Variants in ANKS6 observed in about 807,000 individuals in gnomAD.
ANKS6 encodes ankyrin repeat and SAM domain-containing protein 6.
Under a neutral mutation model 77.9 loss-of-function variants are expected in ANKS6, and 47 were observed. The ratio of observed to expected loss-of-function variants is 0.60; its 90% CI spans 0.48 to 0.77. The LOEUF is 0.77. ANKS6 is among the 30% of genes least tolerant of loss of function. The probability of loss-of-function intolerance (pLI) is 0.00; values close to 1 mark genes in which losing one functional copy is unlikely to be tolerated. For synonymous variants in ANKS6, 488 were observed against 501.7 expected (o/e 0.97, Z 0.37); for missense variants, 1,150 against 1,159.1 (o/e 0.99, Z 0.11).
chr9:98,753,420 A>C (rs1229377711), intron 12 of ANKS6, among the ~76,000 whole-genome samples: 1 of 152,250 alleles, frequency 6.6e-6, no homozygotes, highest in African/African-American at 2.4e-5. Flanking sequence ...CTCACAAGAT[A>C]ACGGTTACAG....
chr9:98,741,357 G>A (rs375565946), intron 14 of ANKS6, among the ~76,000 whole-genome samples: 34 of 152,224 alleles, frequency 2.2e-4, no homozygotes, highest in African/African-American at 7.2e-4. Flanking sequence ...AAGAGGCTGA[G>A]GTGGGAAGAT....
At chr9:98,795,509 G>T (rs1048198348) in intron 1 of ANKS6, among the ~76,000 whole-genome samples, 2 of 151,954 alleles carry the variant, frequency 1.3e-5, no homozygotes, top group African/African-American at 4.8e-5. Context: ...TACATTCTAC[G>T]CATACCTCAT....
In ANKS6 at chr9:98,735,677, T is replaced by C. The variant is rs1831458173; in HGVS notation, c.*842A>G. ...TGTGGAGTACCAGAGCATCATCTGG[T>C]CTGACCTTCCACTTTGCAGATAAGG... On this transcript the variant is annotated 3_prime_UTR_variant, in exon 15 of 15. Transcript: ENST00000353234. 4.9e-6 allele frequency: 6 copies of C among 1,231,758 alleles called. No homozygotes were observed. The Admixed American group carries it at 1.3e-4, about 26-fold the overall frequency. The allele number at this position is 1,231,758 out of a possible 1,614,324, so 76.3% of individuals were successfully genotyped here.
At chr9:98,767,399 C>T (rs1235587746) in intron 11 of ANKS6, among the ~76,000 whole-genome samples, 1 of 152,206 alleles carries the variant, frequency 6.6e-6, no homozygotes, top group Non-Finnish European at 1.5e-5. Flanking sequence ...AGATCCCCAT[C>T]CAGATGGCCC....
intron 8 of ANKS6, among the ~76,000 whole-genome samples, chr9:98,776,186 T>C (rs927423703): frequency 6.6e-6 from 1 of 152,170 alleles, no homozygotes; most frequent in South Asian, 2.1e-4. Context: ...CCAGACACTA[T>C]GCTAAGAACT....
rs1233090767 is a variant in ANKS6, at chr9:98,736,309, C to T, written c.*210G>A. On this transcript the variant is annotated 3_prime_UTR_variant, in exon 15 of 15. Transcript: ENST00000353234. ...GCCAAGCAGAAGCACCCCCACTGGACTGTTACATGGGAATCTGTCTCTGTG... is the reference window on the plus strand; with the variant it reads ...GCCAAGCAGAAGCACCCCCACTGGATTGTTACATGGGAATCTGTCTCTGTG... The T allele has an allele frequency of 1.5e-5, 21 of 1,397,636 alleles. No individual in the cohort carries two copies. Among genetic ancestry groups the T allele is most frequent in the Non-Finnish European group, 1.9e-5 (20 of 1,080,356 alleles). The allele number at this position is 1,397,636 out of a possible 1,614,324, so 86.6% of individuals were successfully genotyped here.
chr9:98,795,330 C>T (rs946833538), intron 1 of ANKS6, among the ~76,000 whole-genome samples: 14 of 152,120 alleles, frequency 9.2e-5, no homozygotes, highest in African/African-American at 3.1e-4. Flanking sequence ...TTTTCCAAAA[C>T]GTAACTCTCA....
chr9:98,780,978 C>T (rs1243344346), intron 5 of ANKS6, among the ~76,000 whole-genome samples: 4 of 151,726 alleles, frequency 2.6e-5, no homozygotes, highest in East Asian at 1.9e-4. Flanking sequence ...CTTGGCTCAC[C>T]GCAACCTCCA....
rs1287867108 is a variant in ANKS6 at position 98,796,448 on chromosome 9, C to CGCA, written c.41_43dup (p.Leu14dup). On this transcript the variant is annotated inframe_insertion, in exon 1 of 15. Coordinates refer to ENST00000353234, the MANE Select transcript of ANKS6 (RefSeq NM_173551.5). ...CTCCGTGTCGCCCTGGTCACACGCG[C>CGCA]GCAGCAGCAGCTGGAAGGCCGGGGG... is the stretch of plus-strand genomic sequence containing the variant. 7 of 994,384 alleles carry CGCA rather than the reference C, an allele frequency of 7.0e-6. No individual in the cohort carries two copies. The highest frequency in any genetic ancestry group is 6.2e-5 in the Admixed American group (1 of 16,258). The allele number at this position is 994,384 out of a possible 1,614,324, so 61.6% of individuals were successfully genotyped here. A position where few individuals can be genotyped will look rare whatever the true frequency, so the allele number is the denominator to read the frequency against.
At chr9:98,752,038 A>G (rs1335459497) in intron 12 of ANKS6, among the ~76,000 whole-genome samples, 1 of 152,196 alleles carries the variant, frequency 6.6e-6, no homozygotes, top group Non-Finnish European at 1.5e-5. Context: ...GTGAGCTGCA[A>G]TTATGCCACT....
intron 12 of ANKS6, 90 bp from the exon 13 acceptor site, chr9:98,751,186 T>C (rs1277697243): frequency 6.8e-6 from 7 of 1,031,594 alleles, no homozygotes; most frequent in South Asian, 4.5e-5. Context: ...GTAATCTTAT[T>C]TCAAATGAAA....
At chr9:98,771,569 T>C (rs1253894658) in intron 9 of ANKS6, among the ~76,000 whole-genome samples, 5 of 152,188 alleles carry the variant, frequency 3.3e-5, no homozygotes, top group East Asian at 1.9e-4. Flanking sequence ...CTCTCCACCC[T>C]GACCTCACTC....
chr9:98,735,618 G>A lies in ANKS6; in HGVS notation c.*901C>T, dbSNP rs1831455083. 1 of 1,231,524 alleles carries A rather than the reference G, an allele frequency of 8.1e-7. No homozygotes were observed. The highest frequency in any genetic ancestry group is 1.0e-6 in the Non-Finnish European group (1 of 987,950). The allele number at this position is 1,231,524 out of a possible 1,614,324, so 76.3% of individuals were successfully genotyped here. A position where few individuals can be genotyped will look rare whatever the true frequency, so the allele number is the denominator to read the frequency against. On this transcript the variant is annotated 3_prime_UTR_variant, in exon 15 of 15. Transcript: ENST00000353234. Reference sequence around the variant, plus strand: ...CATTAGCCTTCTGCTTCCACTTTCAGTGCAGAAAGCCCTGCAGTGATACAG... The same window carrying A: ...CATTAGCCTTCTGCTTCCACTTTCAATGCAGAAAGCCCTGCAGTGATACAG...
intron 2 of ANKS6, among the ~76,000 whole-genome samples, chr9:98,787,164 CTAT>C (rs1467785275): frequency 6.6e-6 from 1 of 152,162 alleles, no homozygotes; most frequent in Non-Finnish European, 1.5e-5. Context: ...GCTGGGGCTC[CTAT>C]TATTTATTTC....
chr9:98,735,963 G>A lies in ANKS6; in HGVS notation c.*556C>T. On this transcript the variant is annotated 3_prime_UTR_variant, in exon 15 of 15. Coordinates refer to ENST00000353234, the MANE Select transcript of ANKS6 (RefSeq NM_173551.5). Reference sequence around the variant, plus strand: ...GGGCAAGTTAGAAGTTTTAAGGGAAGATGTGCCAGGAAGGCTAACCTCTCA... The same window carrying A: ...GGGCAAGTTAGAAGTTTTAAGGGAAAATGTGCCAGGAAGGCTAACCTCTCA... 1 of 1,227,974 alleles carries A rather than the reference G, an allele frequency of 8.1e-7. No homozygotes were observed. Among genetic ancestry groups the A allele is most frequent in the Non-Finnish European group, 1.0e-6 (1 of 986,296 alleles). 76.1% of individuals were successfully genotyped at this position (1,227,974 alleles called of 1,614,324 possible). A position where few individuals can be genotyped will look rare whatever the true frequency, so the allele number is the denominator to read the frequency against.
At chr9:98,789,858 GC>G in intron 2 of ANKS6, 1 of 477,778 alleles carries the variant, frequency 2.1e-6, no homozygotes, top group Non-Finnish European at 3.5e-6. Context: ...GGGGAGAGCA[GC>G]CTTGTTATAG....
intron 11 of ANKS6, among the ~76,000 whole-genome samples, chr9:98,765,514 T>C (rs1833228273): frequency 6.6e-6 from 1 of 152,318 alleles, no homozygotes; most frequent in Admixed American, 6.5e-5. Flanking sequence ...GTGGCTCAGT[T>C]GTCCTGGCCA....
At chr9:98,777,964 C>T (rs1217640374) in intron 7 of ANKS6, among the ~76,000 whole-genome samples, 1 of 152,142 alleles carries the variant, frequency 6.6e-6, no homozygotes, top group Admixed American at 6.5e-5. Context: ...AGAGAGAGGA[C>T]GACTCCCTGT....
intron 14 of ANKS6, among the ~76,000 whole-genome samples, chr9:98,744,212 A>T (rs1210281149): frequency 1.3e-5 from 2 of 152,256 alleles, no homozygotes; most frequent in African/African-American, 2.4e-5. Flanking sequence ...GGGATGCCCA[A>T]GGCAATGCTA....
Sources: allele counts gnomAD v4.1 joint callset (sites outside exome capture counted in the v4.1 genomes callset), GRCh38; gene constraint gnomAD v4.1.1; transcripts MANE v1.5; gene names NCBI Gene and HGNC (gene_info 2026-07-23, HGNC 2026-07-21).